The following UTRN variants were observed in gnomAD, a reference collection of about 807,000 sequenced individuals.
The protein encoded by UTRN is utrophin.
UTRN carries 283 observed loss-of-function variants against 463.9 expected under a neutral mutation model. The ratio of observed to expected loss-of-function variants is 0.61; its 90% CI spans 0.55 to 0.67. UTRN has a LOEUF of 0.67. UTRN is among the 30% of genes least tolerant of loss of function. The pLI, the probability that UTRN is intolerant of heterozygous loss-of-function variation, is 0.00. For synonymous variants in UTRN, 1,442 were observed against 1,431.5 expected, an observed-to-expected ratio of 1.01 and a Z score of -0.17; for missense variants, 3,922 against 4,084.3, an observed-to-expected ratio of 0.96 and a Z score of 1.08.
At chr6:144,760,945 A>T (rs1792598551) in intron 58 of UTRN, among the ~76,000 whole-genome samples, 1 of 152,168 alleles carries the variant, frequency 6.6e-6, no homozygotes, top group South Asian at 2.1e-4. Context: ...GTCATATTTT[A>T]ATTTTATAGA....
chr6:144,751,983 C>CTT, intron 56 of UTRN, 31 bp downstream of exon 56: 2 of 1,568,568 alleles, frequency 1.3e-6, no homozygotes, highest in Non-Finnish European at 1.7e-6. Context: ...ATAATGCAGG[C>CTT]TTACACCTTG....
At chr6:144,403,226 A>T in intron 3 of UTRN, 42 bp downstream of exon 3, 1 of 1,569,030 alleles carries the variant, frequency 6.4e-7, no homozygotes. Context: ...CAGATGCCGC[A>T]TTCTGATTGA....
At chr6:144,390,432 T>G (rs1781805655) in intron 2 of UTRN, among the ~76,000 whole-genome samples, 1 of 152,198 alleles carries the variant, frequency 6.6e-6, no homozygotes, top group African/African-American at 2.4e-5. Context: ...TAAAGCACCC[T>G]TCTGATCATG....
intron 51 of UTRN, among the ~76,000 whole-genome samples, chr6:144,613,255 A>G (rs1333946846): frequency 2.6e-5 from 4 of 152,030 alleles, no homozygotes; most frequent in Non-Finnish European, 5.9e-5. Context: ...AAAGGCTACA[A>G]AGTTTCAGAT....
At chr6:144,493,616 ATAAT>A (rs1254044235) in intron 33 of UTRN, among the ~76,000 whole-genome samples, 160 bp downstream of exon 33, 4 of 152,262 alleles carry the variant, frequency 2.6e-5, no homozygotes, top group African/African-American at 7.2e-5. Flanking sequence ...ATTTATTGTA[ATAAT>A]TGTTATATTT....
At position 144,437,607 on chromosome 6, in the gene UTRN, A is replaced by G. The variant is rs780924427; in HGVS notation, c.1102A>G (p.Ser368Gly). ...GACTGCACACCAGAGCAGTGTGGGC[A>G]GCGTCCTGCAGGCAGGCAACCAACT... ...ELTAHQSSVG[S>G]VLQAGNQLIT... is the part of the protein sequence containing the mutation. The change falls in exon 11 of 75, where the codon AGC (serine) becomes GGC (glycine). Residue 368 changes from serine (S) to glycine (G), a missense_variant. This residue lies in a region of UTRN where 2,349 missense variants were observed against 2,303.8 expected (regional missense o/e 1.02). Transcript: ENST00000367545. The G allele has an allele frequency of 3.7e-6, 6 of 1,613,998 alleles. No individual in the cohort carries two copies. In the South Asian group the frequency reaches 6.6e-5, roughly 18 times the overall value.
At chr6:144,545,867 A>G (rs531911908) in intron 46 of UTRN, among the ~76,000 whole-genome samples, 1 of 152,294 alleles carries the variant, frequency 6.6e-6, no homozygotes, top group South Asian at 2.1e-4. Context: ...TAAAAATACA[A>G]AAATTAGCTG....
chr6:144,526,191 T>C (rs1249169887), intron 41 of UTRN, among the ~76,000 whole-genome samples: 1 of 152,246 alleles, frequency 6.6e-6, no homozygotes, highest in African/African-American at 2.4e-5. Flanking sequence ...TAAGTATCTG[T>C]TAAGTCCATT....
intron 26 of UTRN, 54 bp from the exon 27 acceptor site, chr6:144,482,155 G>T: frequency 7.5e-7 from 1 of 1,328,948 alleles, no homozygotes; most frequent in Non-Finnish European, 9.8e-7. Flanking sequence ...AAAAGAAATT[G>T]GTTACTGAGA....
chr6:144,306,995 G>T (rs1248257091), intron 2 of UTRN, among the ~76,000 whole-genome samples: 1 of 151,818 alleles, frequency 6.6e-6, no homozygotes, highest in East Asian at 1.9e-4. Flanking sequence ...AACCTGGGAG[G>T]TGGAGGCTGC....
chr6:144,291,800 T>G lies in UTRN; in HGVS notation c.-29T>G, dbSNP rs1804273254. Reference sequence around the variant, plus strand: ...GCCTTAGAAAGAGGACTTGGTAAAGTTTTTGGATTATCTTGAAACTCTGGC... The same window carrying G: ...GCCTTAGAAAGAGGACTTGGTAAAGGTTTTGGATTATCTTGAAACTCTGGC... On this transcript the variant is annotated 5_prime_UTR_variant, in exon 2 of 75. Transcript: ENST00000367545. The G allele has an allele frequency of 1.2e-6, 2 of 1,603,620 alleles. No individual in the cohort carries two copies. Among genetic ancestry groups the G allele is most frequent in the Non-Finnish European group, 1.7e-6 (2 of 1,175,796 alleles).
intron 43 of UTRN, among the ~76,000 whole-genome samples, chr6:144,534,795 G>T (rs1477347504): frequency 3.3e-5 from 5 of 152,208 alleles, no homozygotes; most frequent in Admixed American, 3.3e-4. Flanking sequence ...ATGATGCGCT[G>T]TGGAATTTAA....
At chr6:144,389,377 G>A (rs567310933) in intron 2 of UTRN, among the ~76,000 whole-genome samples, 139 of 152,218 alleles carry the variant, frequency 9.1e-4, no homozygotes, top group Middle Eastern at 3.4e-3. Flanking sequence ...GGGCCCCACC[G>A]TTTATTTTCC....
intron 52 of UTRN, among the ~76,000 whole-genome samples, chr6:144,682,472 G>T (rs1782300181): frequency 6.6e-6 from 1 of 152,170 alleles, no homozygotes; most frequent in Non-Finnish European, 1.5e-5. Flanking sequence ...GCGATATACT[G>T]ATTTCCTTTC....
At chr6:144,295,751 T>C (rs1457930002) in intron 2 of UTRN, among the ~76,000 whole-genome samples, 3 of 152,212 alleles carry the variant, frequency 2.0e-5, no homozygotes, top group Non-Finnish European at 4.4e-5. Context: ...CTTACACTAA[T>C]TGAACACATT....
chr6:144,722,901 G>A (rs1787366235), intron 53 of UTRN, among the ~76,000 whole-genome samples: 1 of 152,066 alleles, frequency 6.6e-6, no homozygotes, highest in African/African-American at 2.4e-5. Flanking sequence ...AATCCCAGGT[G>A]GTACCAGCCA....
At chr6:144,436,888 AT>A (rs1283434125) in intron 10 of UTRN, among the ~76,000 whole-genome samples, 4 of 144,742 alleles carry the variant, frequency 2.8e-5, no homozygotes, top group Admixed American at 2.1e-4. Flanking sequence ...ATATATAAAT[AT>A]TTTTATATAT....
chr6:144,597,003 C>G (rs558091000), intron 51 of UTRN, among the ~76,000 whole-genome samples: 1 of 152,210 alleles, frequency 6.6e-6, no homozygotes, highest in East Asian at 1.9e-4. Context: ...CTTTGGGAGG[C>G]CAAGGTGGAC....
chr6:144,716,786 G>A (rs897275368), intron 53 of UTRN, among the ~76,000 whole-genome samples: 1 of 151,988 alleles, frequency 6.6e-6, no homozygotes, highest in Non-Finnish European at 1.5e-5. Context: ...TTTTCACTTA[G>A]ATACATGTCA....
Sources: allele counts gnomAD v4.1 joint callset (sites outside exome capture counted in the v4.1 genomes callset), GRCh38; gene constraint gnomAD v4.1.1; regional missense constraint gnomAD v4.1.1; transcripts MANE v1.5; gene names NCBI Gene and HGNC (gene_info 2026-07-23, HGNC 2026-07-21).